The following MCM9 variants were observed in gnomAD, a reference collection of about 807,000 sequenced individuals.
MCM9 encodes minichromosome maintenance 9 homologous recombination repair factor, also known as DNA helicase MCM9.
MCM9 carries 55 observed loss-of-function variants against 72.8 expected under a neutral mutation model. That is an observed-to-expected ratio of 0.76 (90% confidence interval 0.61 to 0.95). The LOEUF (loss-of-function observed/expected upper bound fraction) is 0.95, where lower values mean the gene tolerates loss of function less well. Among genes scored for constraint, MCM9 ranks in the 40% least tolerant of loss-of-function variants. MCM9 has a pLI of 0.00. For missense variants in MCM9, 1,279 were observed against 1,377.0 expected (o/e 0.93, Z 1.13); for synonymous variants, 480 against 503.4 (o/e 0.95, Z 0.62).
chr6:118,846,570 G>A (rs1775880946), intron 9 of MCM9, among the ~76,000 whole-genome samples: 1 of 151,870 alleles, frequency 6.6e-6, no homozygotes, highest in Admixed American at 6.5e-5. Context: ...AGAGCTGGCA[G>A]TCATGGGAAG....
rs139581940 is a variant in MCM9 at position 118,928,268 on chromosome 6, G to A, written c.304+3152C>T. ...TCTACTAAAAATACAAAAATTAGCC[G>A]GGTGTGGTGGCACACGCCTGTAATC... On this transcript the variant is annotated intron_variant, in intron 3 of 13. Coordinates refer to ENST00000619706, the MANE Select transcript of MCM9 (RefSeq NM_017696.3). Among the ~76,000 whole-genome samples the A allele has an allele frequency of 5.5e-3, 830 of 152,010 alleles. 4 individuals are homozygous for A. Among genetic ancestry groups the A allele is most frequent in the African/African-American group, 0.019 (780 of 41,426 alleles).
At chr6:118,932,353 T>C (rs894868435) in intron 2 of MCM9, among the ~76,000 whole-genome samples, 1 of 152,222 alleles carries the variant, frequency 6.6e-6, no homozygotes, top group Admixed American at 6.5e-5. Context: ...ATCCCCATCA[T>C]TAAATGACAT....
chr6:118,928,866 A>G (rs1782135949), intron 3 of MCM9, among the ~76,000 whole-genome samples: 1 of 151,700 alleles, frequency 6.6e-6, no homozygotes, highest in Admixed American at 6.6e-5. Flanking sequence ...AAAAAAAAAA[A>G]AGAATTCATA....
intron 8 of MCM9, among the ~76,000 whole-genome samples, chr6:118,858,350 G>C (rs575707699): frequency 6.6e-6 from 1 of 152,148 alleles, no homozygotes; most frequent in Admixed American, 6.5e-5. Flanking sequence ...AGGAACGGAA[G>C]AGAACTTCTT....
At chr6:118,851,341 T>C (rs928296544) in intron 9 of MCM9, among the ~76,000 whole-genome samples, 8 of 151,766 alleles carry the variant, frequency 5.3e-5, no homozygotes, top group African/African-American at 1.9e-4. Context: ...AATTAGAAAA[T>C]GTCTTCACTA....
At chr6:118,917,935 T>G in intron 5 of MCM9, 174 bp from the exon 6 acceptor site, 1 of 602,562 alleles carries the variant, frequency 1.7e-6, no homozygotes, top group South Asian at 2.0e-5. Flanking sequence ...TTCTTGACTG[T>G]TGTCCCCCAC....
At position 118,814,763 on chromosome 6, in the gene MCM9, T is replaced by A. The variant is rs112895306; in HGVS notation, c.*61A>T. ...TATACATTTATAAATACCATATTGA[T>A]ATCCTGAAGGTCCTCTGTGGAGTTG... On this transcript the variant is annotated 3_prime_UTR_variant, in exon 14 of 14. Coordinates refer to ENST00000619706, the MANE Select transcript of MCM9 (RefSeq NM_017696.3). The A allele has an allele frequency of 0.015, 21,666 of 1,401,770 alleles. 189 individuals are homozygous for A. Among genetic ancestry groups the A allele is most frequent in the Non-Finnish European group, 0.019 (19,893 of 1,055,688 alleles). The allele number at this position is 1,401,770 out of a possible 1,614,324, so 86.8% of individuals were successfully genotyped here.
At chr6:118,864,814 T>C (rs1167790175) in intron 8 of MCM9, among the ~76,000 whole-genome samples, 1 of 152,172 alleles carries the variant, frequency 6.6e-6, no homozygotes, top group Non-Finnish European at 1.5e-5. Context: ...TGGTTTGCTA[T>C]GGGCACTCGA....
intron 9 of MCM9, among the ~76,000 whole-genome samples, chr6:118,854,532 T>C (rs574247907): frequency 6.6e-6 from 1 of 152,258 alleles, no homozygotes; most frequent in African/African-American, 2.4e-5. Flanking sequence ...TTTGTATTTT[T>C]AGTAGAGAGG....
intron 8 of MCM9, among the ~76,000 whole-genome samples, chr6:118,876,378 T>C (rs781359243): frequency 1.3e-4 from 20 of 152,266 alleles, no homozygotes; most frequent in Admixed American, 2.6e-4. Flanking sequence ...ATGTAAATAA[T>C]AGAATTTGGG....
intron 9 of MCM9, among the ~76,000 whole-genome samples, chr6:118,838,159 C>CTT (rs759862698): frequency 1.3e-3 from 161 of 119,678 alleles, no homozygotes; most frequent in East Asian, 3.2e-3. Context: ...GTTGAAAATT[C>CTT]TTTTTTTTTT....
At chr6:118,866,525 A>G (rs1424449595) in intron 8 of MCM9, among the ~76,000 whole-genome samples, 1 of 152,220 alleles carries the variant, frequency 6.6e-6, no homozygotes, top group African/African-American at 2.4e-5. Context: ...CATATATCTG[A>G]AGAGTACTAT....
At chr6:118,872,129 A>T (rs1445733595) in intron 8 of MCM9, among the ~76,000 whole-genome samples, 1 of 152,048 alleles carries the variant, frequency 6.6e-6, no homozygotes, top group East Asian at 1.9e-4. Flanking sequence ...CATCCTGGCT[A>T]ACACGGTGAA....
chr6:118,906,245 G>A (rs574259422), intron 8 of MCM9, among the ~76,000 whole-genome samples: 2 of 152,078 alleles, frequency 1.3e-5, no homozygotes, highest in South Asian at 4.2e-4. Flanking sequence ...GATAATTTTT[G>A]TATTTTTAGT....
chr6:118,882,070 C>T (rs544216766), intron 8 of MCM9, among the ~76,000 whole-genome samples: 3 of 152,292 alleles, frequency 2.0e-5, no homozygotes, highest in Admixed American at 6.5e-5. Flanking sequence ...CACGATCTTC[C>T]TTCCTCCACC....
intron 8 of MCM9, among the ~76,000 whole-genome samples, chr6:118,870,912 T>C (rs1160952896): frequency 6.6e-6 from 1 of 151,896 alleles, no homozygotes; most frequent in South Asian, 2.1e-4. Context: ...CAAAAAATTA[T>C]TGAAAATCTG....
At chr6:118,922,126 T>C (rs1781483242) in intron 4 of MCM9, 40 bp from the exon 5 acceptor site, 6 of 1,470,800 alleles carry the variant, frequency 4.1e-6, no homozygotes, top group African/African-American at 1.4e-5. Flanking sequence ...TATGCTTAAA[T>C]ACATGTTAAG....
At chr6:118,922,551 A>C (rs1398795823) in intron 4 of MCM9, among the ~76,000 whole-genome samples, 4 of 152,242 alleles carry the variant, frequency 2.6e-5, no homozygotes, top group African/African-American at 9.6e-5. Context: ...GAACATAGGT[A>C]TGGTCATATG....
intron 8 of MCM9, chr6:118,910,936 A>G (rs1204442740): frequency 1.0e-6 from 1 of 985,300 alleles, no homozygotes; most frequent in African/African-American, 1.7e-5. Flanking sequence ...GACTCCCTTA[A>G]CAAGTAGCAA....
Sources: allele counts gnomAD v4.1 joint callset (sites outside exome capture counted in the v4.1 genomes callset), GRCh38; gene constraint gnomAD v4.1.1; transcripts MANE v1.5; gene names NCBI Gene and HGNC (gene_info 2026-07-23, HGNC 2026-07-21).